Variants in TRABD observed in about 807,000 individuals in gnomAD.
TRABD encodes TraB domain containing.
In TRABD, 23 loss-of-function variants were observed where a neutral mutation model predicts 39.6. The observed-to-expected ratio is 0.58, with a 90% CI of 0.42 to 0.82. TRABD has a LOEUF of 0.82. Among genes scored for constraint, TRABD ranks in the 40% least tolerant of loss-of-function variants. The pLI is 0.00. For synonymous variants in TRABD, 243 were observed against 232.1 expected (o/e 1.05, Z -0.43); for missense variants, 487 against 544.9 (o/e 0.89, Z 1.06).
intron 1 of TRABD, among the ~76,000 whole-genome samples, chr22:50,187,694 G>T (rs2063795734): frequency 6.6e-6 from 1 of 152,190 alleles, no homozygotes; most frequent in Non-Finnish European, 1.5e-5. Flanking sequence ...AAAACAGCAG[G>T]CTGGGCTGGG....
Position 50,198,161 on chromosome 22 carries a change from G to A in TRABD, c.931G>A (p.Asp311Asn), listed in dbSNP as rs746465807. The A allele has an allele frequency of 1.6e-5, 26 of 1,611,814 alleles. No individual in the cohort carries two copies. The highest frequency in any genetic ancestry group is 4.0e-5 in the African/African-American group (3 of 74,818). Residue 311 changes from aspartate to asparagine, a missense_variant, in exon 9 of 10, where the codon GAC becomes AAC. Transcript: ENST00000380909. The surrounding 1 kb of genome is among the most constrained non-coding windows in gnomAD (Gnocchi z 7.9). ...VPGIEKNWST[D>N]LNIQEIMTVP... ...TGGCATCGAGAAGAACTGGAGCACCGACCTCAACATCCAGGAGATCATGAC... is the reference window on the plus strand; with the variant it reads ...TGGCATCGAGAAGAACTGGAGCACCAACCTCAACATCCAGGAGATCATGAC...
chr22:50,193,642 C>T lies in TRABD; in HGVS notation c.100C>T (p.Pro34Ser), dbSNP rs760967692. Residue 34 changes from proline (P) to serine (S), a missense_variant, in exon 3 of 10, where the codon CCC becomes TCC. This residue lies in a region of TRABD where 358 missense variants were observed against 414.7 expected (regional missense o/e 0.86). Transcript: ENST00000380909. Reference protein sequence around the residue: ...EPVPRVLSGDPQNLSDVDAFN... With the variant: ...EPVPRVLSGDSQNLSDVDAFN... ...GGTGCCCAGGGTGCTTTCTGGAGAC[C>T]CCCAGAACCTGTGTACGTGTCCCTC... is the stretch of plus-strand genomic sequence containing the variant. The T allele has an allele frequency of 2.5e-6, 4 of 1,613,618 alleles. No individual in the cohort carries two copies. The Admixed American group carries it at 6.7e-5, about 27-fold the overall frequency.
In TRABD at chr22:50,197,832, C is replaced by G; in HGVS notation, c.681C>G (p.Asp227Glu). ...CFLSDPISKD[D>E]VERCKQKDLL... ...CCATCCCTCTCCACAGCAAGGATGACGTGGAACGCTGCAAGCAGAAGGACC... is the reference window on the plus strand; with the variant it reads ...CCATCCCTCTCCACAGCAAGGATGAGGTGGAACGCTGCAAGCAGAAGGACC... The change falls in exon 8 of 10, where the codon GAC becomes GAG. Residue 227 changes from aspartate to glutamate, a missense_variant. Asp to Glu is a conservative substitution (Grantham distance 45). Coordinates refer to ENST00000380909, the MANE Select transcript of TRABD (RefSeq NM_001320485.2). 1 of 1,466,770 alleles carries G rather than the reference C, an allele frequency of 6.8e-7. No individual in the cohort carries two copies. Among genetic ancestry groups the G allele is most frequent in the Non-Finnish European group, 9.2e-7 (1 of 1,088,786 alleles). The allele number at this position is 1,466,770 out of a possible 1,614,324, so 90.9% of individuals were successfully genotyped here. A position where few individuals can be genotyped will look rare whatever the true frequency, so the allele number is the denominator to read the frequency against.
At chr22:50,197,764 G>GGGGC in intron 7 of TRABD, 59 bp from the exon 8 acceptor site, 8 of 1,284,772 alleles carry the variant, frequency 6.2e-6, no homozygotes, top group Non-Finnish European at 9.0e-6. Context: ...CACAGTGCCA[G>GGGGC]CCCCACCCCC....
At chr22:50,190,220 C>T (rs1203204351) in intron 1 of TRABD, among the ~76,000 whole-genome samples, 3 of 152,206 alleles carry the variant, frequency 2.0e-5, no homozygotes, top group Non-Finnish European at 4.4e-5. Context: ...TGCTGAGAGG[C>T]TGCAGGGGCC....
chr22:50,187,401 G>T (rs1209294346), intron 1 of TRABD, among the ~76,000 whole-genome samples: 1 of 152,236 alleles, frequency 6.6e-6, no homozygotes, highest in African/African-American at 2.4e-5. Flanking sequence ...CAGGAAGCAG[G>T]GGAGGTCAAA....
chr22:50,194,975 G>A lies in TRABD; in HGVS notation c.355G>A (p.Glu119Lys), dbSNP rs1305918751. 18 of 1,611,962 alleles carry A rather than the reference G, an allele frequency of 1.1e-5. No individual in the cohort carries two copies. The highest frequency in any genetic ancestry group is 3.3e-5 in the Admixed American group (2 of 59,960). The change falls in exon 5 of 10, where the codon GAG (glutamate) becomes AAG (lysine). Residue 119 changes from glutamate (E) to lysine (K), a missense_variant. Transcript: ENST00000380909. ...QYRVSMLKMD[E>K]STLLREAQEL... The stretch of plus-strand genomic sequence containing the variant: ...TCGTGTGTCCATGCTGAAGATGGAC[G>A]AGAGCACGCTGCTGCGGGAGGCCCA...
chr22:50,198,995 C>A lies in TRABD; in HGVS notation c.*476C>A, dbSNP rs1002516820. On this transcript the variant is annotated 3_prime_UTR_variant, in exon 10 of 10. Transcript: ENST00000380909. The surrounding 1 kb of genome is among the most constrained non-coding windows in gnomAD (Gnocchi z 7.9). Reference sequence around the variant, plus strand: ...AGCCCTGGAGCTCCAGCCGACCCCACCGTGCCCCTGGCATCCTGGCCCTGG... The same window carrying A: ...AGCCCTGGAGCTCCAGCCGACCCCAACGTGCCCCTGGCATCCTGGCCCTGG... 3.5e-5 allele frequency: 23 copies of A among 650,646 alleles called. 1 individual carries two copies. In the Admixed American group the frequency reaches 3.6e-4, roughly 10 times the overall value. The allele number at this position is 650,646 out of a possible 1,614,324, so 40.3% of individuals were successfully genotyped here.
Position 50,197,192 on chromosome 22 carries a change from C to CGGGGGGG in TRABD, c.421-49_421-48insGGGGGGG. The CGGGGGGG allele has an allele frequency of 3.8e-6, 6 of 1,562,588 alleles. No individual in the cohort carries two copies. The African/African-American group carries it at 6.8e-5, about 18-fold the overall frequency. ...TCCCAGTTCTGCCATTCCCCCAGCG[C>CGGGGGGG]ACCCCCGCACCCGCCCCTCCAGCTG... is the stretch of plus-strand genomic sequence containing the variant. On this transcript the variant is annotated intron_variant, in intron 5 of 9. Coordinates refer to ENST00000380909, the MANE Select transcript of TRABD (RefSeq NM_001320485.2).
At position 50,198,310 on chromosome 22, in the gene TRABD, C is replaced by T. The variant is rs749595225; in HGVS notation, c.957-35C>T. On this transcript the variant is annotated intron_variant, in intron 9 of 9. Transcript: ENST00000380909. The surrounding 1 kb of genome is among the most constrained non-coding windows in gnomAD (Gnocchi z 7.9). ...GGGGGCTGGGGTATGGGGAGCCCACCCCCAGCCAGGCCCAGCGCCCCCTCC... is the reference window on the plus strand; with the variant it reads ...GGGGGCTGGGGTATGGGGAGCCCACTCCCAGCCAGGCCCAGCGCCCCCTCC... 1 of 1,529,040 alleles carries T rather than the reference C, an allele frequency of 6.5e-7. No individual in the cohort carries two copies. Among genetic ancestry groups the T allele is most frequent in the Non-Finnish European group, 8.8e-7 (1 of 1,131,708 alleles). The allele number at this position is 1,529,040 out of a possible 1,614,324, so 94.7% of individuals were successfully genotyped here.
Position 50,198,511 on chromosome 22 carries a change from C to T in TRABD, c.1123C>T (p.His375Tyr). ...YCLQRVTEAR[H>Y]K ...CCTGCAGAGGGTGACCGAGGCCCGG[C>T]ACAAGTAGGAGACTGCTCCCCGCCC... Residue 375 changes from histidine (H) to tyrosine (Y), a missense_variant, in exon 10 of 10, where the codon CAC becomes TAC. Coordinates refer to ENST00000380909, the MANE Select transcript of TRABD (RefSeq NM_001320485.2). The surrounding 1 kb of genome is among the most constrained non-coding windows in gnomAD (Gnocchi z 7.9). 1 of 1,562,900 alleles carries T rather than the reference C, an allele frequency of 6.4e-7. No individual in the cohort carries two copies. The highest frequency in any genetic ancestry group is 1.4e-5 in the African/African-American group (1 of 73,620).
intron 1 of TRABD, among the ~76,000 whole-genome samples, chr22:50,186,416 C>T (rs1480995232): frequency 6.6e-6 from 1 of 152,088 alleles, no homozygotes; most frequent in African/African-American, 2.4e-5. Context: ...CGCGCGTCCC[C>T]TGCCACCGCT....
At chr22:50,197,765 C>CCCCCCCCCCCCCCCCCCATG in intron 7 of TRABD, 58 bp from the exon 8 acceptor site, 2 of 754,054 alleles carry the variant, frequency 2.7e-6, no homozygotes, top group Non-Finnish European at 4.4e-6. Flanking sequence ...ACAGTGCCAG[C>CCCCCCCCCCCCCCCCCCATG]CCCACCCCCC....
At position 50,199,248 on chromosome 22, in the gene TRABD, C is replaced by A; in HGVS notation, c.*729C>A. The A allele has an allele frequency of 1.5e-6, 1 of 648,794 alleles. No homozygotes were observed. The allele number at this position is 648,794 out of a possible 1,614,324, so 40.2% of individuals were successfully genotyped here. A position where few individuals can be genotyped will look rare whatever the true frequency, so the allele number is the denominator to read the frequency against. ...GCTCTGGGTCCAGGCGTGGCCTCAG[C>A]TGGGAGCCTGTGTCCTGAGCCCCCG... On this transcript the variant is annotated 3_prime_UTR_variant, in exon 10 of 10. Coordinates refer to ENST00000380909, the MANE Select transcript of TRABD (RefSeq NM_001320485.2).
At chr22:50,197,401 G>A (rs774824928) in intron 6 of TRABD, 48 bp from the exon 7 acceptor site, 3 of 1,612,260 alleles carry the variant, frequency 1.9e-6, no homozygotes, top group Middle Eastern at 1.7e-4. Context: ...GGCTCACAGG[G>A]GTGGTCCGGG....
rs2063985352 is a variant in TRABD at position 50,193,569 on chromosome 22, C to T, written c.34-7C>T. 6.2e-7 allele frequency: 1 copy of T among 1,613,756 alleles called. No homozygotes were observed. The highest frequency in any genetic ancestry group is 8.5e-7 in the Non-Finnish European group (1 of 1,179,902). ...ACCCTGACTTGAACTCTCCTTTCCACCTGCAGGCCAACGTGGAACCTGTTG... is the reference window on the plus strand; with the variant it reads ...ACCCTGACTTGAACTCTCCTTTCCATCTGCAGGCCAACGTGGAACCTGTTG... On this transcript the variant is annotated splice_region_variant and splice_polypyrimidine_tract_variant and intron_variant, in intron 2 of 9. Coordinates refer to ENST00000380909, the MANE Select transcript of TRABD (RefSeq NM_001320485.2).
Position 50,199,226 on chromosome 22 carries a change from C to G in TRABD, c.*707C>G. The G allele has an allele frequency of 2.9e-6, 2 of 689,012 alleles. No homozygotes were observed. The highest frequency in any genetic ancestry group is 5.4e-6 in the Non-Finnish European group (2 of 369,332). 42.7% of individuals were successfully genotyped at this position (689,012 alleles called of 1,614,324 possible). On this transcript the variant is annotated 3_prime_UTR_variant, in exon 10 of 10. Coordinates refer to ENST00000380909, the MANE Select transcript of TRABD (RefSeq NM_001320485.2). Reference sequence around the variant, plus strand: ...GCTCGCGTGCAGCCAAACATCAGCTCTGGGTCCAGGCGTGGCCTCAGCTGG... The same window carrying G: ...GCTCGCGTGCAGCCAAACATCAGCTGTGGGTCCAGGCGTGGCCTCAGCTGG...
At chr22:50,193,840 G>C (rs948251587) in intron 3 of TRABD, among the ~76,000 whole-genome samples, 186 bp downstream of exon 3, 1 of 152,234 alleles carries the variant, frequency 6.6e-6, no homozygotes, top group African/African-American at 2.4e-5. Context: ...GGCCCTGCCT[G>C]GCAGTGGAGC....
At chr22:50,188,232 A>G (rs1330332154) in intron 1 of TRABD, among the ~76,000 whole-genome samples, 1 of 152,128 alleles carries the variant, frequency 6.6e-6, no homozygotes, top group Non-Finnish European at 1.5e-5. Flanking sequence ...CAGTGAGCCA[A>G]GATCACGCCA....
Sources: gnomAD v4.1 joint callset for allele counts (sites outside exome capture counted in the v4.1 genomes callset) on GRCh38, gnomAD v4.1.1 for gene constraint, gnomAD v4.1.1 regional missense constraint, Gnocchi (gnomAD v3.1) non-coding constraint, MANE v1.5 for transcripts, NCBI Gene and HGNC (gene_info 2026-07-23, HGNC 2026-07-21) for gene names.